Variants in PRKCE observed in about 807,000 individuals in gnomAD.
PRKCE encodes protein kinase C epsilon type.
Under a neutral mutation model 85.4 loss-of-function variants are expected in PRKCE, and 16 were observed. The ratio of observed to expected loss-of-function variants is 0.19; its 90% CI spans 0.13 to 0.28. PRKCE has a LOEUF of 0.28. Ranked by LOEUF, PRKCE falls within the 10% of genes least tolerant of loss-of-function variation. PRKCE has a pLI of 1.00. For missense variants in PRKCE, 573 were observed against 975.2 expected (o/e 0.59, Z 5.49); for synonymous variants, 388 against 371.5 (o/e 1.04, Z -0.51).
intron 2 of PRKCE, among the ~76,000 whole-genome samples, chr2:45,942,649 A>G (rs1236399845): frequency 6.6e-6 from 1 of 152,202 alleles, no homozygotes; most frequent in African/African-American, 2.4e-5. Context: ...AATGGAATAC[A>G]AATTCCTCTC....
chr2:46,173,572 G>C (rs1679128927), intron 14 of PRKCE, among the ~76,000 whole-genome samples: 1 of 152,252 alleles, frequency 6.6e-6, no homozygotes, highest in Non-Finnish European at 1.5e-5. Context: ...GCAAGAGCCA[G>C]GAAGGGGCTC....
chr2:45,830,298 G>C (rs1690314687), intron 1 of PRKCE, among the ~76,000 whole-genome samples: 1 of 148,568 alleles, frequency 6.7e-6, no homozygotes, highest in South Asian at 2.1e-4. Context: ...ACAAACGAGA[G>C]AGAGAGAGAG....
chr2:46,008,227 G>C (rs1037297391), intron 9 of PRKCE, among the ~76,000 whole-genome samples: 1 of 152,156 alleles, frequency 6.6e-6, no homozygotes, highest in African/African-American at 2.4e-5. Context: ...CCTCGGATCA[G>C]GGTCCTCTGC....
chr2:45,978,302 G>C (rs998860531), intron 3 of PRKCE: 2 of 152,322 alleles, frequency 1.3e-5, no homozygotes, highest in Non-Finnish European at 2.9e-5. Context: ...GTTCCCACTG[G>C]GCTGGGAACT....
intron 10 of PRKCE, among the ~76,000 whole-genome samples, chr2:46,034,711 C>G (rs1707750594): frequency 6.6e-6 from 1 of 152,234 alleles, no homozygotes; most frequent in Non-Finnish European, 1.5e-5. Flanking sequence ...CCTGTCTGGG[C>G]TCTGCTGCCC....
chr2:45,817,278 TCTTA>T (rs1689140601), intron 1 of PRKCE, among the ~76,000 whole-genome samples: 1 of 152,212 alleles, frequency 6.6e-6, no homozygotes, highest in Non-Finnish European at 1.5e-5. Context: ...CTTTCAAATA[TCTTA>T]CTTATTTTTA....
At chr2:46,174,360 T>A (rs1558529287) in intron 14 of PRKCE, among the ~76,000 whole-genome samples, 1 of 152,224 alleles carries the variant, frequency 6.6e-6, no homozygotes, top group Non-Finnish European at 1.5e-5. Context: ...GAAGCAGCAA[T>A]CTTTTCAATG....
At chr2:45,665,493 C>T (rs1165875133) in intron 1 of PRKCE, among the ~76,000 whole-genome samples, 1 of 152,138 alleles carries the variant, frequency 6.6e-6, no homozygotes, top group Admixed American at 6.5e-5. Context: ...AACTCTCTGC[C>T]CCAGTTGATG....
chr2:45,674,412 T>C (rs1676323179), intron 1 of PRKCE, among the ~76,000 whole-genome samples: 1 of 152,202 alleles, frequency 6.6e-6, no homozygotes, highest in Admixed American at 6.5e-5. Context: ...AGATGGACTT[T>C]TGGGTCAAGA....
At chr2:45,826,177 A>G (rs1689927099) in intron 1 of PRKCE, among the ~76,000 whole-genome samples, 2 of 152,208 alleles carry the variant, frequency 1.3e-5, no homozygotes, top group South Asian at 4.1e-4. Context: ...GGAGGGCTCC[A>G]GGGTCAGTCC....
intron 1 of PRKCE, among the ~76,000 whole-genome samples, chr2:45,715,460 C>T (rs1247538930): frequency 1.3e-5 from 2 of 152,252 alleles, no homozygotes; most frequent in East Asian, 1.9e-4. Context: ...CTTCTTTGAC[C>T]AATTTTGGCT....
chr2:46,042,316 C>T (rs1461842208), intron 10 of PRKCE, among the ~76,000 whole-genome samples: 3 of 152,196 alleles, frequency 2.0e-5, no homozygotes, highest in African/African-American at 7.2e-5. Flanking sequence ...CAGAATGTTG[C>T]CACTTTTTAT....
At chr2:45,987,244 A>T (rs1703402719) in intron 6 of PRKCE, among the ~76,000 whole-genome samples, 1 of 152,080 alleles carries the variant, frequency 6.6e-6, no homozygotes, top group African/African-American at 2.4e-5. Flanking sequence ...CTGCTCAAGG[A>T]AAGAAGGGGC....
intron 1 of PRKCE, among the ~76,000 whole-genome samples, chr2:45,760,235 T>A: frequency 6.6e-6 from 1 of 152,096 alleles, no homozygotes; most frequent in African/African-American, 2.4e-5. Flanking sequence ...CAAACCACCT[T>A]ATCCAATAAA....
intron 1 of PRKCE, among the ~76,000 whole-genome samples, chr2:45,694,366 A>G (rs1459513577): frequency 1.3e-5 from 2 of 152,002 alleles, no homozygotes; most frequent in Non-Finnish European, 1.5e-5. Context: ...CTGGATATGG[A>G]TGATGGGCAG....
At chr2:45,970,291 T>C (rs1702022485) in intron 2 of PRKCE, among the ~76,000 whole-genome samples, 1 of 152,224 alleles carries the variant, frequency 6.6e-6, no homozygotes, top group African/African-American at 2.4e-5. Context: ...ACTGTTTTGC[T>C]TTGCATTTCA....
chr2:45,677,403 G>A (rs1676552732), intron 1 of PRKCE, among the ~76,000 whole-genome samples: 1 of 146,946 alleles, frequency 6.8e-6, no homozygotes, highest in African/African-American at 2.5e-5. Context: ...AGGCCGGACT[G>A]CGGACTGCAG....
At chr2:45,930,072 G>A (rs1186974033) in intron 2 of PRKCE, among the ~76,000 whole-genome samples, 2 of 152,218 alleles carry the variant, frequency 1.3e-5, no homozygotes, top group African/African-American at 4.8e-5. Flanking sequence ...AATGAACCCT[G>A]CTCTTATTAT....
chr2:46,071,467 C>G (rs1232855384), intron 10 of PRKCE, among the ~76,000 whole-genome samples: 1 of 152,174 alleles, frequency 6.6e-6, no homozygotes, highest in African/African-American at 2.4e-5. Flanking sequence ...AATAGGGAAA[C>G]CAGCATTTCC....
Sources: gnomAD v4.1 joint callset for allele counts (sites outside exome capture counted in the v4.1 genomes callset) on GRCh38, gnomAD v4.1.1 for gene constraint, MANE v1.5 for transcripts, NCBI Gene and HGNC (gene_info 2026-07-23, HGNC 2026-07-21) for gene names.